Variants in BICD1 observed in about 807,000 individuals in gnomAD.
The protein encoded by BICD1 is BICD cargo adaptor 1.
BICD1 carries 35 observed loss-of-function variants against 92.5 expected under a neutral mutation model. The ratio of observed to expected loss-of-function variants is 0.38; its 90% CI spans 0.29 to 0.50. The LOEUF is 0.50. Ranked by LOEUF, BICD1 falls within the 20% of genes least tolerant of loss-of-function variation. BICD1 has a pLI of 0.93. For synonymous variants in BICD1, 429 were observed against 465.1 expected (o/e 0.92, Z 1.00); for missense variants, 950 against 1,189.8 (o/e 0.80, Z 2.97).
At chr12:32,237,058 A>G (rs112664016) in intron 2 of BICD1, among the ~76,000 whole-genome samples, 18,937 of 151,270 alleles carry the variant, frequency 0.13, 1,953 homozygotes, top group African/African-American at 0.28. Flanking sequence ...TGTATTTTTA[A>G]TAGAGACAGG....
chr12:32,366,979 T>A (rs1939547446), intron 8 of BICD1, among the ~76,000 whole-genome samples: 1 of 152,188 alleles, frequency 6.6e-6, no homozygotes, highest in Admixed American at 6.5e-5. Flanking sequence ...ACCTAGTGTG[T>A]TATATTGTGA....
intron 3 of BICD1, among the ~76,000 whole-genome samples, chr12:32,304,076 A>G (rs2136215221): frequency 6.6e-6 from 1 of 151,830 alleles, no homozygotes; most frequent in East Asian, 1.9e-4. Context: ...TCCGTCTCAA[A>G]AAAAAAAAAA....
chr12:32,190,903 C>T (rs1263383502), intron 1 of BICD1, among the ~76,000 whole-genome samples: 1 of 152,160 alleles, frequency 6.6e-6, no homozygotes, highest in East Asian at 1.9e-4. Context: ...AGTACCTTTT[C>T]TGATCATAAT....
rs1325297364 is a variant in BICD1 at position 32,225,623 on chromosome 12, T to TTTTGTTTTTTTG, written c.426+9167_426+9168insGTTTTTTTGTTT. Among the ~76,000 whole-genome samples, 17 of 57,622 alleles carry TTTTGTTTTTTTG rather than the reference T, an allele frequency of 3.0e-4. 1 individual carries two copies. In the East Asian group the frequency reaches 3.9e-3, roughly 13 times the overall value. 37.8% of individuals were successfully genotyped at this position (57,622 alleles called of 152,430 possible). ...GTATTTGACAGTTCTTTTTTTCTGT[T>TTTTGTTTTTTTG]TTTTTTTTTTTTTTTTTTAGACGGA... On this transcript the variant is annotated intron_variant, in intron 2 of 9. Transcript: ENST00000652176.
chr12:32,193,908 T>C (rs1944647281), intron 1 of BICD1, among the ~76,000 whole-genome samples: 1 of 152,024 alleles, frequency 6.6e-6, no homozygotes, highest in South Asian at 2.1e-4. Context: ...ACAAGAAAAT[T>C]CCAGATCAGT....
intron 2 of BICD1, among the ~76,000 whole-genome samples, chr12:32,256,162 C>G (rs775381262): frequency 3.3e-5 from 5 of 152,144 alleles, no homozygotes; most frequent in Non-Finnish European, 7.3e-5. Flanking sequence ...AAGCAATCCT[C>G]CTGTCTCAGC....
intron 1 of BICD1, among the ~76,000 whole-genome samples, chr12:32,148,263 C>T (rs1943178354): frequency 6.6e-6 from 1 of 151,930 alleles, no homozygotes; most frequent in South Asian, 2.1e-4. Context: ...TGGAGACAGA[C>T]ACACTAGGTT....
intron 2 of BICD1, among the ~76,000 whole-genome samples, chr12:32,247,621 A>T (rs1248133565): frequency 6.6e-6 from 1 of 151,894 alleles, no homozygotes; most frequent in African/African-American, 2.4e-5. Context: ...TCTGCTAAAA[A>T]TACAAAAATT....
intron 2 of BICD1, among the ~76,000 whole-genome samples, chr12:32,255,197 G>A (rs950615053): frequency 5.3e-5 from 8 of 152,068 alleles, no homozygotes; most frequent in African/African-American, 9.7e-5. Flanking sequence ...AGACAGATTC[G>A]CTGATGTCTC....
At chr12:32,209,531 C>A (rs1945153603) in intron 1 of BICD1, among the ~76,000 whole-genome samples, 1 of 152,222 alleles carries the variant, frequency 6.6e-6, no homozygotes, top group East Asian at 1.9e-4. Flanking sequence ...GATAGGGTAC[C>A]ATGTCAGGCC....
intron 8 of BICD1, among the ~76,000 whole-genome samples, chr12:32,361,283 T>C (rs187226067): frequency 1.3e-5 from 2 of 152,256 alleles, no homozygotes; most frequent in East Asian, 1.9e-4. Flanking sequence ...GGGTTGGGCC[T>C]GATGGCTCAC....
chr12:32,374,378 G>GT (rs987126184), intron 9 of BICD1, among the ~76,000 whole-genome samples: 15 of 151,156 alleles, frequency 9.9e-5, no homozygotes, highest in East Asian at 9.9e-4. Context: ...TAAAATTGGA[G>GT]TTTTTTTTAC....
intron 1 of BICD1, among the ~76,000 whole-genome samples, chr12:32,140,880 A>G (rs929978355): frequency 6.6e-6 from 1 of 152,228 alleles, no homozygotes; most frequent in Non-Finnish European, 1.5e-5. Context: ...GTTATACACC[A>G]GAGGAAATGC....
At chr12:32,373,895 T>C (rs6488048) in intron 9 of BICD1, among the ~76,000 whole-genome samples, 55,325 of 148,224 alleles carry the variant, frequency 0.37, 10,407 homozygotes, top group East Asian at 0.44. Flanking sequence ...AAAAAAAGTA[T>C]TGGATTACAC....
intron 1 of BICD1, among the ~76,000 whole-genome samples, chr12:32,168,005 GGC>G (rs1000629726): frequency 1.1e-5 from 1 of 89,050 alleles, no homozygotes; most frequent in African/African-American, 3.5e-5. Context: ...AAAAGGAGAT[GGC>G]GTGTGTGTGT....
At chr12:32,119,547 A>G (rs1942067631) in intron 1 of BICD1, among the ~76,000 whole-genome samples, 1 of 152,168 alleles carries the variant, frequency 6.6e-6, no homozygotes, top group Non-Finnish European at 1.5e-5. Context: ...CTTGAGGACT[A>G]AATGACCCCA....
intron 1 of BICD1, among the ~76,000 whole-genome samples, chr12:32,162,929 T>C (rs1259044499): frequency 6.6e-6 from 1 of 152,098 alleles, no homozygotes; most frequent in African/African-American, 2.4e-5. Flanking sequence ...GAGGCTGCAG[T>C]GAGCTATGAT....
intron 1 of BICD1, among the ~76,000 whole-genome samples, chr12:32,190,499 AAAG>A (rs1382581980): frequency 6.6e-6 from 1 of 152,260 alleles, no homozygotes; most frequent in African/African-American, 2.4e-5. Context: ...CACAGAAGAC[AAAG>A]AAGATCACTA....
intron 2 of BICD1, among the ~76,000 whole-genome samples, chr12:32,276,992 C>G (rs1489704470): frequency 6.6e-6 from 1 of 152,048 alleles, no homozygotes; most frequent in Admixed American, 6.6e-5. Context: ...TCTGGACGTC[C>G]CCCCCTACTT....
Sources: gnomAD v4.1 joint callset for allele counts (sites outside exome capture counted in the v4.1 genomes callset) on GRCh38, gnomAD v4.1.1 for gene constraint, MANE v1.5 for transcripts, NCBI Gene and HGNC (gene_info 2026-07-23, HGNC 2026-07-21) for gene names.